MYO1F: variants seen among roughly 807,000 people sequenced by gnomAD.
The protein encoded by MYO1F is unconventional myosin-If.
Under a neutral mutation model 146.6 loss-of-function variants are expected in MYO1F, and 60 were observed. The observed-to-expected ratio is 0.41, with a 90% confidence interval of 0.33 to 0.51. MYO1F has a LOEUF of 0.51. Among genes scored for constraint, MYO1F ranks in the 20% least tolerant of loss-of-function variants. The probability of loss-of-function intolerance (pLI) is 0.25; values close to 1 mark genes in which losing one functional copy is unlikely to be tolerated. For synonymous variants in MYO1F, 602 were observed against 602.1 expected (o/e 1.00, Z 0.00); for missense variants, 1,274 against 1,534.3 (o/e 0.83, Z 2.83).
intron 15 of MYO1F, 34 bp downstream of exon 15, chr19:8,541,872 G>T: frequency 3.2e-6 from 5 of 1,585,364 alleles, no homozygotes; most frequent in Non-Finnish European, 4.3e-6. Flanking sequence ...TTGGGGGGTT[G>T]TAGCCGGAGG....
intron 1 of MYO1F, among the ~76,000 whole-genome samples, chr19:8,562,773 A>G (rs1211301398): frequency 2.0e-5 from 3 of 151,742 alleles, no homozygotes; most frequent in Non-Finnish European, 4.4e-5. Flanking sequence ...GGCTCAAGCA[A>G]TCCTCCTGCC....
chr19:8,530,411 C>T lies in MYO1F; in HGVS notation c.2159-46G>A. 1 of 1,613,826 alleles carries T rather than the reference C, an allele frequency of 6.2e-7. No individual in the cohort carries two copies. Among genetic ancestry groups the T allele is most frequent in the Non-Finnish European group, 8.5e-7 (1 of 1,180,000 alleles). Reference sequence around the variant, plus strand: ...GGGCAGAGCTCCTGATACAGCTCCTCCAGGTCCTTGTGCCCCCACCCCGCG... The same window carrying T: ...GGGCAGAGCTCCTGATACAGCTCCTTCAGGTCCTTGTGCCCCCACCCCGCG... On this transcript the variant is annotated intron_variant, in intron 20 of 27. Coordinates refer to ENST00000644032, the MANE Select transcript of MYO1F (RefSeq NM_012335.4). The surrounding 1 kb of genome is among the most constrained non-coding windows in gnomAD (Gnocchi z 5.8).
At chr19:8,525,764 C>G (rs993037930) in intron 24 of MYO1F, among the ~76,000 whole-genome samples, 1 of 152,184 alleles carries the variant, frequency 6.6e-6, no homozygotes, top group Non-Finnish European at 1.5e-5. Context: ...TGGCCTTGCT[C>G]TTTGGGCCCG....
intron 12 of MYO1F, 38 bp downstream of exon 12, chr19:8,547,998 C>T (rs745398695): frequency 8.0e-7 from 1 of 1,249,192 alleles, no homozygotes. Context: ...CCCACCCCCA[C>T]CCCAGGATCC....
rs577919221 is a variant in MYO1F, at chr19:8,543,685, T to C, written c.1524+612A>G. Among the ~76,000 whole-genome samples, 164 of 48,652 alleles carry C rather than the reference T, an allele frequency of 3.4e-3. 1 individual carries two copies. The highest frequency in any genetic ancestry group is 4.4e-3 in the Non-Finnish European group (122 of 27,880). The allele number at this position is 48,652 out of a possible 152,430, so 31.9% of individuals were successfully genotyped here. A position where few individuals can be genotyped will look rare whatever the true frequency, so the allele number is the denominator to read the frequency against. Reference sequence around the variant, plus strand: ...GTGGTGGTGGTGGTGCTGGTGGTGGTGGTGGTGGTGGTGGTGGTGGTGCTG... The same window carrying C: ...GTGGTGGTGGTGGTGCTGGTGGTGGCGGTGGTGGTGGTGGTGGTGGTGCTG... On this transcript the variant is annotated intron_variant, in intron 14 of 27. Transcript: ENST00000644032.
At chr19:8,545,520 C>A in intron 13 of MYO1F, 130 bp downstream of exon 13, 1 of 798,696 alleles carries the variant, frequency 1.3e-6, no homozygotes, top group Non-Finnish European at 2.3e-6. Context: ...TTATCTGTCG[C>A]TGGAAGTCCT....
chr19:8,530,558 C>T lies in MYO1F; in HGVS notation c.2059G>A (p.Glu687Lys), dbSNP rs1303820273. ...KNPESLFLLE[E>K]VRERKFDGFA... The stretch of plus-strand genomic sequence containing the variant: ...CCATCGAACTTTCGCTCTCGCACCT[C>T]CTCCAGGAGGAAAAGCTGGGCGGGG... Residue 687 changes from glutamate to lysine, a missense_variant, in exon 20 of 28, where the codon GAG (glutamate) becomes AAG (lysine). Around this residue, in one of 2 missense-constraint regions of MYO1F, gnomAD observed 900 missense variants for 1,155.1 expected, o/e 0.78. Coordinates refer to ENST00000644032, the MANE Select transcript of MYO1F (RefSeq NM_012335.4). The surrounding 1 kb of genome is among the most constrained non-coding windows in gnomAD (Gnocchi z 5.8). 1.2e-6 allele frequency: 2 copies of T among 1,612,130 alleles called. No homozygotes were observed. The highest frequency in any genetic ancestry group is 2.2e-5 in the East Asian group (1 of 44,892).
At chr19:8,561,622 TTTC>T (rs1480926050) in intron 1 of MYO1F, among the ~76,000 whole-genome samples, 2 of 147,336 alleles carry the variant, frequency 1.4e-5, no homozygotes, top group Admixed American at 1.4e-4. Context: ...TCTCTCTTTC[TTTC>T]TTCTTTCTTT....
chr19:8,544,446 T>C lies in MYO1F; in HGVS notation c.1375A>G (p.Ser459Gly), dbSNP rs1049722804. 6.2e-7 allele frequency: 1 copy of C among 1,610,988 alleles called. No individual in the cohort carries two copies. Among genetic ancestry groups the C allele is most frequent in the Admixed American group, 1.7e-5 (1 of 59,916 alleles). The change falls in exon 14 of 28, where the codon AGC becomes GGC. Residue 459 changes from serine (S) to glycine (G), a missense_variant. By Grantham distance (56) the Ser-to-Gly change is moderately conservative. Coordinates refer to ENST00000644032, the MANE Select transcript of MYO1F (RefSeq NM_012335.4). ...GTGGCGCACACGTCGTCCAAGACGC[T>C]CATGATGCCTGGGGGGCTCTGCGGG... The part of the protein sequence containing the change: ...ENKLSPPGIM[S>G]VLDDVCATMH...
rs1973446614 is a variant in MYO1F at position 8,548,094 on chromosome 19, T to C, written c.1211A>G (p.Asn404Ser). 6.2e-7 allele frequency: 1 copy of C among 1,613,430 alleles called. No individual in the cohort carries two copies. The highest frequency in any genetic ancestry group is 8.5e-7 in the Non-Finnish European group (1 of 1,179,916). Residue 404 changes from asparagine (N) to serine (S), a missense_variant, in exon 12 of 28, where the codon AAC becomes AGC. By Grantham distance (46) the Asn-to-Ser change is conservative. Transcript: ENST00000644032. ...QKNGFEQFCI[N>S]FVNEKLQQIF... The stretch of plus-strand genomic sequence containing the variant: ...TTGCTGCAGCTTCTCATTGACGAAG[T>C]TGATGCAAAACTGCTCGAAGCCATT...
chr19:8,541,858 C>G (rs756224380), intron 15 of MYO1F, 48 bp downstream of exon 15: 5 of 1,548,388 alleles, frequency 3.2e-6, no homozygotes, highest in Admixed American at 1.7e-5. Context: ...CTCCCTCCAT[C>G]CCCTTGGGGG....
chr19:8,561,552 TCCCTC>T (rs1874178772), intron 1 of MYO1F, among the ~76,000 whole-genome samples: 1 of 137,474 alleles, frequency 7.3e-6, no homozygotes, highest in South Asian at 2.7e-4. Flanking sequence ...TTTCTTTCCC[TCCCTC>T]CCCTCCTCTC....
At position 8,555,658 on chromosome 19, in the gene MYO1F, C is replaced by T. The variant is rs201353639; in HGVS notation, c.141+1G>A. 8 of 1,614,030 alleles carry T rather than the reference C, an allele frequency of 5.0e-6. No individual in the cohort carries two copies. Among genetic ancestry groups the T allele is most frequent in the African/African-American group, 1.3e-5 (1 of 75,030 alleles). On this transcript the variant is annotated splice_donor_variant, in intron 2 of 27. Transcript: ENST00000644032. LOFTEE classifies it high-confidence loss of function. ...CCACCCCCAGCCTTGGCCCAGGGTA[C>T]GAAGATGTAGTCGTCCATGAAGCGC...
chr19:8,526,528 C>T lies in MYO1F; in HGVS notation c.2695G>A (p.Gly899Ser), dbSNP rs769330237. 4 of 1,588,648 alleles carry T rather than the reference C, an allele frequency of 2.5e-6. No individual in the cohort carries two copies. Among genetic ancestry groups the T allele is most frequent in the Non-Finnish European group, 3.4e-6 (4 of 1,169,600 alleles). Residue 899 changes from glycine to serine, a missense_variant, in exon 24 of 28, where the codon GGC becomes AGC. Around this residue, in one of 2 missense-constraint regions of MYO1F, gnomAD observed 374 missense variants for 379.2 expected, o/e 0.99. Transcript: ENST00000644032. ...TRSVTFSRGF[G>S]DLAVLKVGGR... is the part of the protein sequence containing the mutation. Reference sequence around the variant, plus strand: ...CCAACCTTGAGCACTGCCAAGTCGCCGAAGCCGCGGGAGAAGGTGACGCTG... The same window carrying T: ...CCAACCTTGAGCACTGCCAAGTCGCTGAAGCCGCGGGAGAAGGTGACGCTG...
chr19:8,533,228 C>T (rs1972565112), intron 19 of MYO1F, among the ~76,000 whole-genome samples: 3 of 151,800 alleles, frequency 2.0e-5, no homozygotes, highest in Non-Finnish European at 4.4e-5. Flanking sequence ...GGGGTTTTGC[C>T]ATGTTGTCCA....
At chr19:8,539,839 T>C (rs1054394602) in intron 16 of MYO1F, 108 bp downstream of exon 16, 59 of 972,492 alleles carry the variant, frequency 6.1e-5, no homozygotes, top group Admixed American at 2.4e-4. Context: ...AGCCCCAGGA[T>C]TGGTAGACAG....
chr19:8,521,987 A>AGTGGT (rs1972075564), intron 27 of MYO1F, among the ~76,000 whole-genome samples: 1 of 149,884 alleles, frequency 6.7e-6, no homozygotes, highest in South Asian at 2.1e-4. Flanking sequence ...GAGGGTGTGC[A>AGTGGT]GTGGTGGGGT....
intron 1 of MYO1F, among the ~76,000 whole-genome samples, chr19:8,561,375 T>TCCCTCCCTCCCTCCCTTCCC (rs1555729016): frequency 3.2e-5 from 2 of 62,142 alleles, no homozygotes; most frequent in African/African-American, 7.3e-5. Context: ...CCTCCCTCCC[T>TCCCTCCCTCCCTCCCTTCCC]CCCTTCCCCC....
chr19:8,564,102 C>T (rs748134909), intron 1 of MYO1F, among the ~76,000 whole-genome samples: 24 of 152,060 alleles, frequency 1.6e-4, no homozygotes, highest in South Asian at 8.3e-4. Context: ...GGGTGCTGGC[C>T]GGGCATGGCG....
Sources: allele counts gnomAD v4.1 joint callset (sites outside exome capture counted in the v4.1 genomes callset), GRCh38; gene constraint gnomAD v4.1.1; regional missense constraint gnomAD v4.1.1; non-coding constraint Gnocchi (gnomAD v3.1); transcripts MANE v1.5; gene names NCBI Gene and HGNC (gene_info 2026-07-23, HGNC 2026-07-21).